Variants in FAM178B observed in about 807,000 individuals in gnomAD.
FAM178B encodes family with sequence similarity 178 member B, also known as protein FAM178B.
Under a neutral mutation model 91.7 loss-of-function variants are expected in FAM178B, and 82 were observed. The ratio of observed to expected loss-of-function variants is 0.89; its 90% CI spans 0.75 to 1.07. The LOEUF is 1.07. FAM178B is among the 50% of genes least tolerant of loss of function. FAM178B has a pLI of 0.00. For missense variants in FAM178B, 769 were observed against 846.7 expected, an observed-to-expected ratio of 0.91 and a Z score of 1.14; for synonymous variants, 368 against 359.4, an observed-to-expected ratio of 1.02 and a Z score of -0.27.
At chr2:96,976,386 C>T (rs948368657) in intron 1 of FAM178B, among the ~76,000 whole-genome samples, 1 of 151,602 alleles carries the variant, frequency 6.6e-6, no homozygotes, top group African/African-American at 2.4e-5. Context: ...AGCCACCATG[C>T]CTGGCCAAAA....
intron 13 of FAM178B, among the ~76,000 whole-genome samples, chr2:96,896,060 C>T (rs2080817132): frequency 6.6e-6 from 1 of 152,208 alleles, no homozygotes; most frequent in Non-Finnish European, 1.5e-5. Context: ...CTTCACAAGT[C>T]AAGATAGTTT....
intron 13 of FAM178B, among the ~76,000 whole-genome samples, chr2:96,901,393 C>T (rs185600146): frequency 8.8e-4 from 134 of 151,918 alleles, no homozygotes; most frequent in Non-Finnish European, 3.8e-4. Flanking sequence ...GGGCTGGTCT[C>T]GAACTCCTGA....
At chr2:96,878,270 C>G (rs1298417096) in intron 15 of FAM178B, 146 bp downstream of exon 15, 1 of 854,260 alleles carries the variant, frequency 1.2e-6, no homozygotes, top group Non-Finnish European at 1.9e-6. Flanking sequence ...GAGGCCCTGG[C>G]TCTCCCACGC....
At chr2:96,944,500 G>T (rs915222661) in intron 8 of FAM178B, among the ~76,000 whole-genome samples, 8 of 152,188 alleles carry the variant, frequency 5.3e-5, no homozygotes, top group Admixed American at 1.3e-4. Flanking sequence ...TTCCTTTGCT[G>T]CCTTGAACAC....
In FAM178B at chr2:96,876,214, T is replaced by C. The variant is rs2080237348; in HGVS notation, c.*62A>G. The C allele has an allele frequency of 6.5e-7, 1 of 1,548,498 alleles. No individual in the cohort carries two copies. On this transcript the variant is annotated 3_prime_UTR_variant, in exon 17 of 17. Transcript: ENST00000490605. ...GCCTTGATGCTTCGCTTCCTCCAGT[T>C]CCCTGAGCCTGTTCACTTCCTGCTG...
At chr2:96,936,212 TTA>T (rs1270124928) in intron 8 of FAM178B, among the ~76,000 whole-genome samples, 1 of 152,048 alleles carries the variant, frequency 6.6e-6, no homozygotes, top group Non-Finnish European at 1.5e-5. Flanking sequence ...TATTATTTAT[TTA>T]TTTTTGAGAC....
chr2:96,977,964 G>A (rs1035556325), intron 1 of FAM178B: 6 of 449,456 alleles, frequency 1.3e-5, no homozygotes, highest in Admixed American at 2.4e-5. Flanking sequence ...GGAGGGGGGC[G>A]ACCGGCAAGA....
chr2:96,972,266 A>G lies in FAM178B; in HGVS notation c.199T>C (p.Ser67Pro). The G allele has an allele frequency of 6.7e-7, 1 of 1,498,428 alleles. No homozygotes were observed. Among genetic ancestry groups the G allele is most frequent in the African/African-American group, 1.4e-5 (1 of 71,180 alleles). The allele number at this position is 1,498,428 out of a possible 1,614,324, so 92.8% of individuals were successfully genotyped here. A position where few individuals can be genotyped will look rare whatever the true frequency, so the allele number is the denominator to read the frequency against. Residue 67 changes from serine to proline, a missense_variant, in exon 3 of 17, where the codon TCA (serine) becomes CCA (proline). Transcript: ENST00000490605. ...GGCCCCTGGTCCAGGGGATGGTCTG[A>G]CAAGCCATCCTCCAGGTTGTACAGG... ...ILLYNLEDGL[S>P]DHPLDQGPRC...
intron 7 of FAM178B, chr2:96,950,022 C>T (rs1187377469): frequency 1.0e-6 from 1 of 985,730 alleles, no homozygotes; most frequent in African/African-American, 1.7e-5. Flanking sequence ...CCCCTCCAGC[C>T]CCCTCGCAGC....
chr2:96,918,313 G>A (rs2081276599), intron 12 of FAM178B, among the ~76,000 whole-genome samples: 1 of 152,058 alleles, frequency 6.6e-6, no homozygotes, highest in African/African-American at 2.4e-5. Context: ...GAGTTGATAA[G>A]AAGATAAATT....
chr2:96,967,574 T>A lies in FAM178B; in HGVS notation c.680A>T (p.Asn227Ile), dbSNP rs1205159980. ...RERLLLQECL[N>I]LNSLDLDEEE... Reference sequence around the variant, plus strand: ...TTCATCAAGATCCAAGGAGTTGAGATTGAGACACTCCTGCAGAAGCAGCCT... The same window carrying A: ...TTCATCAAGATCCAAGGAGTTGAGAATGAGACACTCCTGCAGAAGCAGCCT... The change falls in exon 5 of 17, where the codon AAT (asparagine) becomes ATT (isoleucine). Residue 227 changes from asparagine (N) to isoleucine (I), a missense_variant. Coordinates refer to ENST00000490605, the MANE Select transcript of FAM178B (RefSeq NM_001122646.3). The A allele has an allele frequency of 3.4e-5, 53 of 1,550,666 alleles. No individual in the cohort carries two copies. Among genetic ancestry groups the A allele is most frequent in the Non-Finnish European group, 4.5e-5 (52 of 1,146,954 alleles).
Position 96,875,947 on chromosome 2 carries a change from AGGAG to A in FAM178B, c.*325_*328del, listed in dbSNP as rs151082865. The A allele has an allele frequency of 7.7e-3, 2,944 of 380,266 alleles. 83 individuals are homozygous for A. Among genetic ancestry groups the A allele is most frequent in the African/African-American group, 0.057 (2,747 of 48,100 alleles). The allele number at this position is 380,266 out of a possible 1,614,324, so 23.6% of individuals were successfully genotyped here. On this transcript the variant is annotated 3_prime_UTR_variant, in exon 17 of 17. Transcript: ENST00000490605. Reference sequence around the variant, plus strand: ...ACATTAGTGACAGGGAGACAGAGGAAGGAGGGTGGGGAGGACTGAGGCCCAGGGA... The same window carrying A: ...ACATTAGTGACAGGGAGACAGAGGAAGGTGGGGAGGACTGAGGCCCAGGGA...
At chr2:96,949,021 TC>T (rs2081879703) in intron 7 of FAM178B, among the ~76,000 whole-genome samples, 1 of 152,138 alleles carries the variant, frequency 6.6e-6, no homozygotes, top group African/African-American at 2.4e-5. Flanking sequence ...TGTTGTAACT[TC>T]CTACAACATT....
chr2:96,893,553 C>A (rs1188817221), intron 14 of FAM178B, among the ~76,000 whole-genome samples: 1 of 152,028 alleles, frequency 6.6e-6, no homozygotes, highest in Non-Finnish European at 1.5e-5. Flanking sequence ...TCGAGACAAC[C>A]CTGCGCTTAT....
In FAM178B at chr2:96,951,420, T is replaced by C. The variant is rs371052104; in HGVS notation, c.952A>G (p.Met318Val). Residue 318 changes from methionine to valine, a missense_variant, in exon 7 of 17, where the codon ATG becomes GTG. Met to Val is a conservative substitution (Grantham distance 21, BLOSUM62 1). Transcript: ENST00000490605. ...AGCAGGGATACCGGGCAGTCAGGCATGTGCAGGTAGAGGATGTTCAGGAGG... is the reference window on the plus strand; with the variant it reads ...AGCAGGGATACCGGGCAGTCAGGCACGTGCAGGTAGAGGATGTTCAGGAGG... ...SGLLNILYLH[M>V]PDCPVSLLQW... is the part of the protein sequence containing the mutation. 7.2e-5 allele frequency: 111 copies of C among 1,551,406 alleles called. No individual in the cohort carries two copies. Among genetic ancestry groups the C allele is most frequent in the African/African-American group, 4.7e-4 (34 of 72,996 alleles).
chr2:96,901,871 T>A (rs1239309005), intron 13 of FAM178B, among the ~76,000 whole-genome samples: 1 of 152,178 alleles, frequency 6.6e-6, no homozygotes, highest in African/African-American at 2.4e-5. Flanking sequence ...AATTAAATGC[T>A]CACTGCAACC....
At chr2:96,983,894 AACT>A (rs2082392207) in intron 1 of FAM178B, among the ~76,000 whole-genome samples, 1 of 152,254 alleles carries the variant, frequency 6.6e-6, no homozygotes, top group African/African-American at 2.4e-5. Flanking sequence ...TCATATGAAT[AACT>A]ACTACTTATT....
chr2:96,950,907 C>T (rs2081914676), intron 7 of FAM178B, among the ~76,000 whole-genome samples: 1 of 152,220 alleles, frequency 6.6e-6, no homozygotes, highest in Non-Finnish European at 1.5e-5. Flanking sequence ...CCAGGCACTG[C>T]AGGATTGCCG....
chr2:96,881,415 G>A (rs980890534), intron 14 of FAM178B, among the ~76,000 whole-genome samples: 2 of 152,146 alleles, frequency 1.3e-5, no homozygotes, highest in Admixed American at 6.5e-5. Context: ...GGCACCCTGG[G>A]CTGTCTGCGA....
Sources: gnomAD v4.1 joint callset for allele counts (sites outside exome capture counted in the v4.1 genomes callset) on GRCh38, gnomAD v4.1.1 for gene constraint, MANE v1.5 for transcripts, NCBI Gene and HGNC (gene_info 2026-07-23, HGNC 2026-07-21) for gene names.